Variants in FAM118B observed in about 807,000 individuals in gnomAD.
FAM118B encodes SIR2 antiphage like 1, also known as protein FAM118B.
A neutral mutation model predicts 38.5 loss-of-function variants in FAM118B; 24 were observed. The observed-to-expected ratio is 0.62, with a 90% CI of 0.45 to 0.88. The LOEUF (loss-of-function observed/expected upper bound fraction) is 0.88, where lower values mean the gene tolerates loss of function less well. Among genes scored for constraint, FAM118B ranks in the 40% least tolerant of loss-of-function variants. The pLI, the probability that FAM118B is intolerant of heterozygous loss-of-function variation, is 0.00. For missense variants in FAM118B, 334 were observed against 420.0 expected (o/e 0.80, Z 1.79); for synonymous variants, 138 against 156.3 (o/e 0.88, Z 0.87).
At chr11:126,237,710 A>T (rs1330783699) in intron 3 of FAM118B, among the ~76,000 whole-genome samples, 2 of 129,930 alleles carry the variant, frequency 1.5e-5, no homozygotes, top group Non-Finnish European at 3.3e-5. Context: ...AAAAAAAATT[A>T]GCGGGGCGTG....
chr11:126,259,447 G>C (rs1467316825), intron 7 of FAM118B, among the ~76,000 whole-genome samples: 1 of 123,796 alleles, frequency 8.1e-6, no homozygotes, highest in Non-Finnish European at 1.6e-5. Flanking sequence ...TTTTTTTTGA[G>C]ATGGAGTCTC....
At chr11:126,213,452 C>G (rs1161802411) in intron 1 of FAM118B, among the ~76,000 whole-genome samples, 1 of 152,142 alleles carries the variant, frequency 6.6e-6, no homozygotes, top group Non-Finnish European at 1.5e-5. Context: ...AGACAGAGGT[C>G]TATAAAAGTT....
intron 3 of FAM118B, among the ~76,000 whole-genome samples, chr11:126,237,680 TAAAAAAAAAAAA>T (rs544480250): frequency 1.2e-5 from 1 of 85,908 alleles, no homozygotes; most frequent in African/African-American, 4.7e-5. Context: ...CTGTCTCTAC[TAAAAAAAAAAAA>T]AAAAAAAAAA....
At chr11:126,237,668 C>T (rs1591514326) in intron 3 of FAM118B, among the ~76,000 whole-genome samples, 1 of 111,972 alleles carries the variant, frequency 8.9e-6, no homozygotes, top group Non-Finnish European at 1.7e-5. Context: ...CATAGTGAAA[C>T]CCTGTCTCTA....
At position 126,235,053 on chromosome 11, in the gene FAM118B, T is replaced by C. The variant is rs1209885443; in HGVS notation, c.52T>C (p.Phe18Leu). Residue 18 changes from phenylalanine to leucine, a missense_variant, in exon 3 of 9, where the codon TTC becomes CTC. Physicochemically the swap from Phe to Leu is conservative, Grantham distance 22. Coordinates refer to ENST00000533050, the MANE Select transcript of FAM118B (RefSeq NM_024556.4). ...ASDIDEIFGFFNDGEPPTKKP... is the reference protein window; with the variant it reads ...ASDIDEIFGFLNDGEPPTKKP... ...TGATATAGACGAGATTTTTGGATTC[T>C]TCAACGATGGCGAACCTCCCACCAA... The C allele has an allele frequency of 1.9e-6, 3 of 1,614,138 alleles. No homozygotes were observed. The highest frequency in any genetic ancestry group is 2.5e-6 in the Non-Finnish European group (3 of 1,180,024).
chr11:126,232,022 C>A (rs1950212659), intron 2 of FAM118B, among the ~76,000 whole-genome samples: 1 of 152,156 alleles, frequency 6.6e-6, no homozygotes, highest in Non-Finnish European at 1.5e-5. Flanking sequence ...AATGCAGGCA[C>A]TTCCTTTGTT....
intron 4 of FAM118B, among the ~76,000 whole-genome samples, chr11:126,242,884 G>A (rs1407467962): frequency 2.0e-5 from 3 of 152,180 alleles, no homozygotes. Context: ...CTAAGCGAAT[G>A]GAAAGCATAT....
intron 3 of FAM118B, 130 bp downstream of exon 3, chr11:126,235,217 G>A (rs1950258232): frequency 1.3e-6 from 1 of 746,018 alleles, no homozygotes; most frequent in Non-Finnish European, 2.2e-6. Context: ...AAATTAAATT[G>A]TTTTTATTTT....
In FAM118B at chr11:126,244,153, G is replaced by A. The variant is rs1373410616; in HGVS notation, c.339+3109G>A. 6.6e-6 allele frequency among the ~76,000 whole-genome samples: 1 copy of A among 152,218 alleles called. No homozygotes were observed. The highest frequency in any genetic ancestry group is 1.5e-5 in the Non-Finnish European group (1 of 68,044). On this transcript the variant is annotated intron_variant, in intron 4 of 8. Transcript: ENST00000533050. This position sits in a 1 kb window ranked among gnomAD's most constrained non-coding sequence, Gnocchi z 4.5. ...ACAGTTAACATATTTAATGGTGAAA[G>A]ACTGGATTTTTTCCACTAAGATCAG... is the stretch of plus-strand genomic sequence containing the variant.
At position 126,255,062 on chromosome 11, in the gene FAM118B, A is replaced by C. The variant is rs189165944; in HGVS notation, c.696+629A>C. Among the ~76,000 whole-genome samples the C allele has an allele frequency of 2.6e-5, 4 of 152,330 alleles. No homozygotes were observed. The East Asian group carries it at 7.7e-4, about 29-fold the overall frequency. Reference sequence around the variant, plus strand: ...GTTTATTAATAGCCCTCTCTGTGTCAGAAATAATTGAGGCAGCTTCTTAAC... The same window carrying C: ...GTTTATTAATAGCCCTCTCTGTGTCCGAAATAATTGAGGCAGCTTCTTAAC... On this transcript the variant is annotated intron_variant, in intron 6 of 8. Coordinates refer to ENST00000533050, the MANE Select transcript of FAM118B (RefSeq NM_024556.4). This position sits in a 1 kb window ranked among gnomAD's most constrained non-coding sequence, Gnocchi z 4.6.
At position 126,254,310 on chromosome 11, in the gene FAM118B, C is replaced by T. The variant is rs148364350; in HGVS notation, c.573C>T (p.Leu191=). The T allele has an allele frequency of 2.0e-5, 32 of 1,613,720 alleles. No individual in the cohort carries two copies. Among genetic ancestry groups the T allele is most frequent in the African/African-American group, 4.0e-5 (3 of 74,900 alleles). ...GCTATATGTGTGTTGTGCAGGTCCT[C>T]GAGTGGGCTCAGGAGAAGCGTAAGC... ...SLDLTDEKKV[L]EWAQEKRKLS... is the part of the protein sequence containing the mutation. Residue 191 remains leucine (L), a synonymous_variant, in exon 6 of 9, where the codon CTC becomes CTT. Coordinates refer to ENST00000533050, the MANE Select transcript of FAM118B (RefSeq NM_024556.4).
rs757386381 is a variant in FAM118B at position 126,244,556 on chromosome 11, C to T, written c.339+3512C>T. 2.6e-5 allele frequency among the ~76,000 whole-genome samples: 4 copies of T among 152,166 alleles called. No individual in the cohort carries two copies. The highest frequency in any genetic ancestry group is 4.4e-5 in the Non-Finnish European group (3 of 68,042). On this transcript the variant is annotated intron_variant, in intron 4 of 8. Transcript: ENST00000533050. The surrounding 1 kb of genome is among the most constrained non-coding windows in gnomAD (Gnocchi z 4.5). The stretch of plus-strand genomic sequence containing the variant: ...TGGTGGCCCATGCCTGTTGTCTCAG[C>T]GCTTTGGGAGGCCGAGGTGGGCGGA...
chr11:126,261,396 A>C, intron 7 of FAM118B, 29 bp from the exon 8 acceptor site: 2 of 1,603,504 alleles, frequency 1.2e-6, no homozygotes, highest in Non-Finnish European at 1.7e-6. Flanking sequence ...TTTTCAGTCT[A>C]ATGTCTGATG....
In FAM118B at chr11:126,232,670, T is replaced by C. The variant is rs915423868; in HGVS notation, c.-7-2325T>C. 3.9e-5 allele frequency among the ~76,000 whole-genome samples: 6 copies of C among 151,952 alleles called. No individual in the cohort carries two copies. In the East Asian group the frequency reaches 1.2e-3, roughly 29 times the overall value. On this transcript the variant is annotated intron_variant, in intron 2 of 8. Coordinates refer to ENST00000533050, the MANE Select transcript of FAM118B (RefSeq NM_024556.4). ...TTCCTTAAAAACAACTTAAAAAATA[T>C]ATTTTTTTAAGTTTTTTAAAGTTTT...
At chr11:126,242,188 C>T (rs1184385369) in intron 4 of FAM118B, among the ~76,000 whole-genome samples, 1 of 151,898 alleles carries the variant, frequency 6.6e-6, no homozygotes, top group African/African-American at 2.4e-5. Context: ...CTGGATCTGG[C>T]AGTGGTTTTT....
rs562138875 is a variant in FAM118B, at chr11:126,262,262, G to A, written c.*129G>A. 5.6e-5 allele frequency: 55 copies of A among 984,792 alleles called. No homozygotes were observed. The highest frequency in any genetic ancestry group is 5.3e-4 in the African/African-American group (33 of 61,872). 61.0% of individuals were successfully genotyped at this position (984,792 alleles called of 1,614,324 possible). ...TAACAATAGCCAGAGGTTGAAGGGC[G>A]GGGTAGAAGAGGGGGGAATGTTGCA... is the stretch of plus-strand genomic sequence containing the variant. On this transcript the variant is annotated 3_prime_UTR_variant, in exon 9 of 9. Coordinates refer to ENST00000533050, the MANE Select transcript of FAM118B (RefSeq NM_024556.4).
At chr11:126,225,086 C>T (rs1394325308) in intron 1 of FAM118B, among the ~76,000 whole-genome samples, 2 of 152,138 alleles carry the variant, frequency 1.3e-5, no homozygotes, top group African/African-American at 4.8e-5. Context: ...AGATTAGAAG[C>T]CAAAAGGCTC....
chr11:126,246,283 T>G (rs1950418680), intron 4 of FAM118B, among the ~76,000 whole-genome samples: 1 of 152,180 alleles, frequency 6.6e-6, no homozygotes, highest in South Asian at 2.1e-4. Context: ...AATCTAACAG[T>G]ATCAACTCAG....
At chr11:126,236,522 T>C (rs1051414609) in intron 3 of FAM118B, among the ~76,000 whole-genome samples, 2 of 152,184 alleles carry the variant, frequency 1.3e-5, no homozygotes, top group African/African-American at 4.8e-5. Context: ...ATAAGGATCA[T>C]TATTTTATTC....
Sources: gnomAD v4.1 joint callset for allele counts (sites outside exome capture counted in the v4.1 genomes callset) on GRCh38, gnomAD v4.1.1 for gene constraint, Gnocchi (gnomAD v3.1) non-coding constraint, MANE v1.5 for transcripts, NCBI Gene and HGNC (gene_info 2026-07-23, HGNC 2026-07-21) for gene names.